The following CEMIP2 variants were observed in gnomAD, a reference collection of about 807,000 sequenced individuals.
CEMIP2 encodes the protein cell surface hyaluronidase CEMIP2.
Under a neutral mutation model 146.9 loss-of-function variants are expected in CEMIP2, and 79 were observed. That is an observed-to-expected ratio of 0.54 (90% CI 0.45 to 0.65). The LOEUF (loss-of-function observed/expected upper bound fraction) is 0.65, where lower values mean the gene tolerates loss of function less well. Ranked by LOEUF, CEMIP2 falls within the 30% of genes least tolerant of loss-of-function variation. The pLI is 0.00. For synonymous variants in CEMIP2, 601 were observed against 606.3 expected (o/e 0.99, Z 0.13); for missense variants, 1,596 against 1,696.2 (o/e 0.94, Z 1.04).
chr9:71,715,625 GATAT>G (rs71790721), intron 14 of CEMIP2, among the ~76,000 whole-genome samples: 3,422 of 119,038 alleles, frequency 0.029, 158 homozygotes, highest in African/African-American at 0.092. Flanking sequence ...TCCCTCTTAA[GATAT>G]ATATATATAT....
At chr9:71,728,229 C>CTATATA (rs1416528754) in intron 10 of CEMIP2, among the ~76,000 whole-genome samples, 11 of 17,158 alleles carry the variant, frequency 6.4e-4, no homozygotes, top group African/African-American at 1.2e-3. Flanking sequence ...CTCTCTCTCT[C>CTATATA]TCTATATATA....
At chr9:71,703,229 G>A (rs759951688) in intron 18 of CEMIP2, among the ~76,000 whole-genome samples, 1 of 152,168 alleles carries the variant, frequency 6.6e-6, no homozygotes, top group Non-Finnish European at 1.5e-5. Flanking sequence ...TTTAGGAGCT[G>A]GAACCAACAG....
rs376280156 is a variant in CEMIP2, at chr9:71,735,010, A to G, written c.1205-16T>C. 4.4e-5 allele frequency: 70 copies of G among 1,573,726 alleles called. No homozygotes were observed. Among genetic ancestry groups the G allele is most frequent in the African/African-American group, 3.3e-4 (24 of 72,462 alleles). ...AGAGAAACGCCTAAACCAAAAAAAA[A>G]AAAAAGAAAAAGAAAGTGATACATT... On this transcript the variant is annotated splice_polypyrimidine_tract_variant and intron_variant, in intron 5 of 23. Coordinates refer to ENST00000377044, the MANE Select transcript of CEMIP2 (RefSeq NM_013390.3).
chr9:71,685,615 G>A (rs1822037657), intron 23 of CEMIP2, 128 bp downstream of exon 23: 1 of 894,590 alleles, frequency 1.1e-6, no homozygotes. Flanking sequence ...CCCTTATTTA[G>A]AAATCATCTT....
At chr9:71,692,281 G>T (rs1321938573) in intron 21 of CEMIP2, among the ~76,000 whole-genome samples, 2 of 148,920 alleles carry the variant, frequency 1.3e-5, no homozygotes, top group East Asian at 4.0e-4. Context: ...AGACTCTGGG[G>T]CATAGCCTGC....
chr9:71,715,649 C>CTT (rs1413540240), intron 14 of CEMIP2, among the ~76,000 whole-genome samples: 10 of 48,810 alleles, frequency 2.0e-4, no homozygotes, highest in African/African-American at 3.7e-4. Context: ...TATATATATA[C>CTT]TTTTTTTTTT....
intron 10 of CEMIP2, among the ~76,000 whole-genome samples, chr9:71,726,207 GA>G (rs1254056041): frequency 1.3e-5 from 2 of 150,784 alleles, no homozygotes; most frequent in African/African-American, 4.9e-5. Context: ...TTTTGCCAAA[GA>G]AAAAAAAACC....
chr9:71,687,824 T>A (rs986859681), intron 22 of CEMIP2, among the ~76,000 whole-genome samples: 2 of 152,148 alleles, frequency 1.3e-5, no homozygotes, highest in Non-Finnish European at 2.9e-5. Flanking sequence ...TGTGGACACA[T>A]CACTGCACTC....
At position 71,730,190 on chromosome 9, in the gene CEMIP2, G is replaced by C. The variant is rs150613091; in HGVS notation, c.1837C>G (p.Gln613Glu). ...AGATTGTGGAACAAAGTATTCCTCT[G>C]TTCAATACCATCTTCCAAAAAGAAA... ...HCFFLEDGIE[Q>E]RNTLFHNLGL... is the part of the protein sequence containing the mutation. Residue 613 changes from glutamine to glutamate, a missense_variant, in exon 9 of 24, where the codon CAG becomes GAG. Gln to Glu is a conservative substitution (Grantham distance 29). Coordinates refer to ENST00000377044, the MANE Select transcript of CEMIP2 (RefSeq NM_013390.3). 1.1e-4 allele frequency: 181 copies of C among 1,613,972 alleles called. 1 individual carries two copies. The highest frequency in any genetic ancestry group is 3.0e-5 in the Non-Finnish European group (35 of 1,180,034).
chr9:71,750,598 C>T (rs1342298705), intron 1 of CEMIP2, among the ~76,000 whole-genome samples: 2 of 147,148 alleles, frequency 1.4e-5, no homozygotes, highest in African/African-American at 2.5e-5. Flanking sequence ...TGCACCACCA[C>T]GCCCAGCTAA....
chr9:71,750,441 T>TTTTA lies in CEMIP2; in HGVS notation c.-12-60_-12-57dup, dbSNP rs975744140. ...TATGTGTAAATTCTTTTTTAATTTC[T>TTTTA]TTTATTTATTTATTTATGAGATGGA... On this transcript the variant is annotated intron_variant, in intron 1 of 23. Coordinates refer to ENST00000377044, the MANE Select transcript of CEMIP2 (RefSeq NM_013390.3). 12 of 1,231,706 alleles carry TTTTA rather than the reference T, an allele frequency of 9.7e-6. No individual in the cohort carries two copies. In the Admixed American group the frequency reaches 1.8e-4, roughly 18 times the overall value. 76.3% of individuals were successfully genotyped at this position (1,231,706 alleles called of 1,614,324 possible).
chr9:71,759,836 G>T (rs1056604158), intron 1 of CEMIP2, among the ~76,000 whole-genome samples: 6 of 145,654 alleles, frequency 4.1e-5, no homozygotes, highest in African/African-American at 1.5e-4. Flanking sequence ...GGTGGGGGGG[G>T]GATGGCAGGG....
intron 18 of CEMIP2, among the ~76,000 whole-genome samples, chr9:71,701,608 A>G (rs748672573): frequency 6.6e-6 from 1 of 152,222 alleles, no homozygotes; most frequent in Non-Finnish European, 1.5e-5. Flanking sequence ...TTTACCTTTT[A>G]TAAATGTATT....
chr9:71,721,405 T>C (rs1823227576), intron 12 of CEMIP2, among the ~76,000 whole-genome samples: 2 of 152,206 alleles, frequency 1.3e-5, no homozygotes, highest in South Asian at 4.1e-4. Context: ...ATCCAGTTCT[T>C]TGTGTTTTAT....
intron 8 of CEMIP2, 45 bp from the exon 9 acceptor site, chr9:71,730,298 T>C (rs1360090819): frequency 6.3e-7 from 1 of 1,583,150 alleles, no homozygotes; most frequent in South Asian, 1.1e-5. Context: ...ACAAGAATGA[T>C]TGTGATTTAA....
Position 71,690,099 on chromosome 9 carries a change from G to A in CEMIP2, c.3844C>T (p.Pro1282Ser). The change falls in exon 22 of 24, where the codon CCT becomes TCT. Residue 1282 changes from proline to serine, a missense_variant. By Grantham distance (74) the Pro-to-Ser change is moderately conservative. Coordinates refer to ENST00000377044, the MANE Select transcript of CEMIP2 (RefSeq NM_013390.3). ...RIEEYLKTGIPPRSIVLLSTR... is the reference protein window; with the variant it reads ...RIEEYLKTGISPRSIVLLSTR... ...AGCACAAGCTTGACCTACCTTGGAG[G>A]GATGCCTGTTTTTAAATACTCTTCA... 6.2e-7 allele frequency: 1 copy of A among 1,613,952 alleles called. No individual in the cohort carries two copies. The highest frequency in any genetic ancestry group is 2.2e-5 in the East Asian group (1 of 44,880).
chr9:71,728,836 T>TGCGTGC, intron 10 of CEMIP2, among the ~76,000 whole-genome samples: 1 of 151,616 alleles, frequency 6.6e-6, no homozygotes, highest in South Asian at 2.1e-4. Flanking sequence ...TGTGTGTGTG[T>TGCGTGC]GTGTGTTTTT....
intron 2 of CEMIP2, 86 bp downstream of exon 2, chr9:71,749,957 T>C: frequency 7.9e-7 from 1 of 1,266,608 alleles, no homozygotes; most frequent in Non-Finnish European, 1.1e-6. Context: ...AGGGCCAACT[T>C]AAGATAAATT....
In CEMIP2 at chr9:71,730,851, G is replaced by A. The variant is rs1823595699; in HGVS notation, c.1627C>T (p.Gln543Ter). The A allele has an allele frequency of 6.2e-7, 1 of 1,614,046 alleles. No homozygotes were observed. Among genetic ancestry groups the A allele is most frequent in the South Asian group, 1.1e-5 (1 of 91,078 alleles). ...AAATGAACAGGGTATCGCCCCATCT[G>A]CTGCTGACCCATGTGTTTCAATTCC... ...YVELKHMGQQ[Q>*]MGRYPVHFHL... The change falls in exon 8 of 24, where the codon CAG becomes TAG. Residue 543 changes from glutamine (Q) to a stop codon, truncating the protein, a stop_gained. Transcript: ENST00000377044. LOFTEE classifies it high-confidence loss of function.
Sources: gnomAD v4.1 joint callset for allele counts (sites outside exome capture counted in the v4.1 genomes callset) on GRCh38, gnomAD v4.1.1 for gene constraint, MANE v1.5 for transcripts, NCBI Gene and HGNC (gene_info 2026-07-23, HGNC 2026-07-21) for gene names.